CDIP1: variants seen among roughly 807,000 people sequenced by gnomAD.
CDIP1 encodes cell death-inducing p53-target protein 1.
In CDIP1, 9 loss-of-function variants were observed where a neutral mutation model predicts 17.7. The ratio of observed to expected loss-of-function variants is 0.51; its 90% CI spans 0.31 to 0.89. The LOEUF is 0.89. Among genes scored for constraint, CDIP1 ranks in the 40% least tolerant of loss-of-function variants. The probability of loss-of-function intolerance (pLI) is 0.05; values close to 1 mark genes in which losing one functional copy is unlikely to be tolerated. For missense variants in CDIP1, 263 were observed against 277.9 expected, an observed-to-expected ratio of 0.95 and a Z score of 0.38; for synonymous variants, 117 against 109.5, an observed-to-expected ratio of 1.07 and a Z score of -0.43.
At chr16:4,525,817 T>C (rs562639068) in intron 1 of CDIP1, among the ~76,000 whole-genome samples, 3 of 152,312 alleles carry the variant, frequency 2.0e-5, no homozygotes, top group African/African-American at 7.2e-5. Flanking sequence ...TGCCAAGTTC[T>C]AGCACAGGCA....
At chr16:4,534,359 A>G (rs1305624293) in intron 1 of CDIP1, among the ~76,000 whole-genome samples, 2 of 152,202 alleles carry the variant, frequency 1.3e-5, no homozygotes, top group Non-Finnish European at 2.9e-5. Flanking sequence ...TCACAGCCAA[A>G]TATCCAGACA....
At position 4,513,177 on chromosome 16, in the gene CDIP1, C is replaced by T. The variant is rs1333890877; in HGVS notation, c.242-113G>A. The T allele has an allele frequency of 9.0e-7, 1 of 1,109,398 alleles. No homozygotes were observed. Among genetic ancestry groups the T allele is most frequent in the African/African-American group, 1.6e-5 (1 of 63,528 alleles). 68.7% of individuals were successfully genotyped at this position (1,109,398 alleles called of 1,614,324 possible). ...CAGCGCCCAGCGTGCAAGGCTACGCCTCAGACCTCCTACCGCCCTCCTAAC... is the reference window on the plus strand; with the variant it reads ...CAGCGCCCAGCGTGCAAGGCTACGCTTCAGACCTCCTACCGCCCTCCTAAC... On this transcript the variant is annotated intron_variant, in intron 4 of 5. Transcript: ENST00000567695. This position sits in a 1 kb window ranked among gnomAD's most constrained non-coding sequence, Gnocchi z 4.1.
intron 1 of CDIP1, among the ~76,000 whole-genome samples, chr16:4,519,904 C>A (rs2058927427): frequency 6.6e-6 from 1 of 152,138 alleles, no homozygotes; most frequent in Non-Finnish European, 1.5e-5. Context: ...ACCGTGCCAT[C>A]CTATAAAGCC....
chr16:4,528,036 G>C (rs1307921107), intron 1 of CDIP1, among the ~76,000 whole-genome samples: 1 of 152,130 alleles, frequency 6.6e-6, no homozygotes, highest in Non-Finnish European at 1.5e-5. Context: ...GGCTGGTGTC[G>C]AACTCTTGAC....
intron 1 of CDIP1, among the ~76,000 whole-genome samples, chr16:4,521,636 G>A (rs2058949518): frequency 6.6e-6 from 1 of 150,988 alleles, no homozygotes. Flanking sequence ...GCCGAGACGG[G>A]AGGATTACTT....
intron 1 of CDIP1, among the ~76,000 whole-genome samples, chr16:4,523,561 C>T (rs1484486529): frequency 1.3e-5 from 2 of 152,080 alleles, no homozygotes; most frequent in African/African-American, 4.8e-5. Context: ...AGCTTACGGT[C>T]AAGTGAAGAG....
At position 4,512,654 on chromosome 16, in the gene CDIP1, C is replaced by T; in HGVS notation, c.545G>A (p.Cys182Tyr). The change falls in exon 6 of 6, where the codon TGC becomes TAC. Residue 182 changes from cysteine (C) to tyrosine (Y), a missense_variant. Transcript: ENST00000567695. The surrounding 1 kb of genome is among the most constrained non-coding windows in gnomAD (Gnocchi z 4.6). ...GCDLGCCLIP[C>Y]LINDFKDVTH... The stretch of plus-strand genomic sequence containing the variant: ...CACATCCTTGAAGTCATTGATGAGG[C>T]AGGGGATCAGGCAGCAGCCCAGATC... 1 of 1,613,946 alleles carries T rather than the reference C, an allele frequency of 6.2e-7. No individual in the cohort carries two copies. The highest frequency in any genetic ancestry group is 1.1e-5 in the South Asian group (1 of 91,076).
chr16:4,526,086 C>T (rs527595908), intron 1 of CDIP1, among the ~76,000 whole-genome samples: 58 of 152,252 alleles, frequency 3.8e-4, no homozygotes, highest in African/African-American at 8.4e-4. Context: ...TGCTCCTCCT[C>T]GACCATGATG....
At chr16:4,515,517 T>C (rs2058878799) in intron 1 of CDIP1, among the ~76,000 whole-genome samples, 1 of 152,120 alleles carries the variant, frequency 6.6e-6, no homozygotes. Flanking sequence ...AAGGATACCA[T>C]CACATTTTAT....
intron 1 of CDIP1, among the ~76,000 whole-genome samples, chr16:4,530,655 A>AAAAAAAC (rs2059046924): frequency 6.6e-6 from 1 of 151,574 alleles, no homozygotes; most frequent in Non-Finnish European, 1.5e-5. Context: ...TCTCAAAAAA[A>AAAAAAAC]AAAAACAAAA....
rs2058859019 is a variant in CDIP1, at chr16:4,513,785, G to A, written c.152C>T (p.Pro51Leu). ...GMPLPPADIG[P>L]PPYEPPGHPM... is the part of the protein sequence containing the mutation. ...GTGACCCGGCGGCTCATAGGGTGGG[G>A]GGCCAATGTCCGCAGGGGGCAGTGG... is the stretch of plus-strand genomic sequence containing the variant. Residue 51 changes from proline (P) to leucine (L), a missense_variant, in exon 4 of 6, where the codon CCC (proline) becomes CTC (leucine). By Grantham distance (98) the Pro-to-Leu change is moderately conservative. Transcript: ENST00000567695. The surrounding 1 kb of genome is among the most constrained non-coding windows in gnomAD (Gnocchi z 4.1). 11 of 1,607,068 alleles carry A rather than the reference G, an allele frequency of 6.8e-6. No homozygotes were observed. Among genetic ancestry groups the A allele is most frequent in the Non-Finnish European group, 8.5e-6 (10 of 1,175,064 alleles).
Position 4,513,861 on chromosome 16 carries a change from G to C in CDIP1, c.86-10C>G, listed in dbSNP as rs753358296. 7.1e-6 allele frequency: 11 copies of C among 1,553,830 alleles called. No homozygotes were observed. The South Asian group carries it at 1.1e-4, about 16-fold the overall frequency. Reference sequence around the variant, plus strand: ...GCTGGGGAGGAACGGCCTGGACAGAGAGAGGCAGAAAGAGGAGACTGAGCT... The same window carrying C: ...GCTGGGGAGGAACGGCCTGGACAGACAGAGGCAGAAAGAGGAGACTGAGCT... On this transcript the variant is annotated splice_polypyrimidine_tract_variant and intron_variant, in intron 3 of 5. Coordinates refer to ENST00000567695, the MANE Select transcript of CDIP1 (RefSeq NM_013399.3). This position sits in a 1 kb window ranked among gnomAD's most constrained non-coding sequence, Gnocchi z 4.1.
At chr16:4,535,067 A>C (rs1259979345) in intron 1 of CDIP1, among the ~76,000 whole-genome samples, 19 of 152,112 alleles carry the variant, frequency 1.2e-4, no homozygotes, top group Admixed American at 1.2e-3. Context: ...TTCCTGAAGT[A>C]ATACGGGTTG....
At chr16:4,537,989 G>A (rs948859120) in intron 1 of CDIP1, among the ~76,000 whole-genome samples, 2 of 152,224 alleles carry the variant, frequency 1.3e-5, no homozygotes, top group African/African-American at 4.8e-5. Flanking sequence ...GCTCCGGGAC[G>A]GCCAAGGTCA....
chr16:4,528,738 C>T (rs924944112), intron 1 of CDIP1, among the ~76,000 whole-genome samples: 3 of 150,294 alleles, frequency 2.0e-5, no homozygotes. Context: ...CCTATAATCC[C>T]AGCACTTTGG....
Position 4,512,591 on chromosome 16 carries a change from G to A in CDIP1, c.608C>T (p.Thr203Met), listed in dbSNP as rs1210933423. 6.2e-7 allele frequency: 1 copy of A among 1,613,326 alleles called. No homozygotes were observed. The highest frequency in any genetic ancestry group is 8.5e-7 in the Non-Finnish European group (1 of 1,179,420). ...TCPSCKAYIY[T>M]YKRLC ...GCTCCGTTAGCACAGGCGCTTGTAC[G>A]TGTAGATGTAGGCTTTGCAGCTGGG... Residue 203 changes from threonine to methionine, a missense_variant, in exon 6 of 6, where the codon ACG becomes ATG. Transcript: ENST00000567695. This position sits in a 1 kb window ranked among gnomAD's most constrained non-coding sequence, Gnocchi z 4.6.
intron 1 of CDIP1, among the ~76,000 whole-genome samples, chr16:4,534,104 C>G (rs984335528): frequency 1.3e-5 from 2 of 152,122 alleles, no homozygotes; most frequent in East Asian, 3.9e-4. Flanking sequence ...GCACCTGCCC[C>G]CACACCTGGT....
At chr16:4,533,397 G>C (rs1199373234) in intron 1 of CDIP1, 5 of 152,310 alleles carry the variant, frequency 3.3e-5, no homozygotes, top group African/African-American at 1.2e-4. Context: ...TGAAACATGG[G>C]TTAGTGGGTG....
chr16:4,517,794 G>A (rs1257340207), intron 1 of CDIP1, among the ~76,000 whole-genome samples: 1 of 152,058 alleles, frequency 6.6e-6, no homozygotes, highest in Non-Finnish European at 1.5e-5. Context: ...GCCTCTTGGG[G>A]CTGGTCCTGG....
Sources: gnomAD v4.1 joint callset for allele counts (sites outside exome capture counted in the v4.1 genomes callset) on GRCh38, gnomAD v4.1.1 for gene constraint, Gnocchi (gnomAD v3.1) non-coding constraint, MANE v1.5 for transcripts, NCBI Gene and HGNC (gene_info 2026-07-23, HGNC 2026-07-21) for gene names.